Variants in CCDC12 observed in about 807,000 individuals in gnomAD.
CCDC12 encodes coiled-coil domain containing 12, also known as coiled-coil domain-containing protein 12.
Under a neutral mutation model 25.7 loss-of-function variants are expected in CCDC12, and 28 were observed. The ratio of observed to expected loss-of-function variants is 1.09; its 90% CI spans 0.81 to 1.50. The LOEUF is 1.50. Among genes scored for constraint, CCDC12 ranks in the 40% most tolerant of loss-of-function variants. CCDC12 has a pLI of 0.00. For synonymous variants in CCDC12, 75 were observed against 87.7 expected (o/e 0.86, Z 0.81); for missense variants, 198 against 210.0 (o/e 0.94, Z 0.35).
intron 2 of CCDC12, among the ~76,000 whole-genome samples, chr3:46,930,837 C>T (rs1397734707): frequency 6.6e-6 from 1 of 152,178 alleles, no homozygotes; most frequent in Non-Finnish European, 1.5e-5. Flanking sequence ...CTCCTGGGCC[C>T]CCTTTGCCCC....
At chr3:46,979,772 C>CCCCCATTCCCCAACTCCAGG, upstream of CCDC12, 1 of 354,648 alleles carries the variant, frequency 2.8e-6, no homozygotes, top group Admixed American at 4.8e-5. Context: ...TGACGCCCTC[C>CCCCCATTCCCCAACTCCAGG]GCCCATGGGC....
At chr3:46,954,163 G>A (rs2034216229) in intron 1 of CCDC12, among the ~76,000 whole-genome samples, 1 of 152,106 alleles carries the variant, frequency 6.6e-6, no homozygotes, top group African/African-American at 2.4e-5. Flanking sequence ...CCAGGGACTG[G>A]AACAACCACC....
intron 1 of CCDC12, among the ~76,000 whole-genome samples, chr3:46,970,689 T>A (rs4389512): frequency 0.95 from 143,949 of 152,274 alleles, 68,605 homozygotes; most frequent in East Asian, 1. Context: ...TTCAGGGCAA[T>A]CGCTCAGGAA....
chr3:46,957,205 T>G (rs1017167457), intron 1 of CCDC12, among the ~76,000 whole-genome samples: 1 of 151,926 alleles, frequency 6.6e-6, no homozygotes, highest in African/African-American at 2.4e-5. Context: ...GAGGTAGGGG[T>G]GGGGTGGCAC....
intron 2 of CCDC12, among the ~76,000 whole-genome samples, chr3:46,932,629 A>C (rs1250649465): frequency 1.3e-5 from 2 of 152,200 alleles, no homozygotes; most frequent in African/African-American, 4.8e-5. Context: ...AGCACATGAC[A>C]CAAGAAGTGA....
chr3:46,940,928 G>A, intron 2 of CCDC12, 70 bp downstream of exon 2: 2 of 1,439,314 alleles, frequency 1.4e-6, no homozygotes, highest in Non-Finnish European at 2.0e-6. Flanking sequence ...GAGTTGGGAG[G>A]ACCCAGAGAC....
Position 46,944,102 on chromosome 3 carries a change from C to T in CCDC12, c.97-3037G>A, listed in dbSNP as rs539015349. Among the ~76,000 whole-genome samples the T allele has an allele frequency of 1.2e-4, 18 of 152,272 alleles. No individual in the cohort carries two copies. The East Asian group carries it at 3.5e-3, about 29-fold the overall frequency. Reference sequence around the variant, plus strand: ...ACCCCTACCTGAGAGACTCAAAGAGCCTCAGACCTGGAGGGCTCGCAGGAT... The same window carrying T: ...ACCCCTACCTGAGAGACTCAAAGAGTCTCAGACCTGGAGGGCTCGCAGGAT... On this transcript the variant is annotated intron_variant, in intron 1 of 6. Transcript: ENST00000683445.
chr3:46,976,862 G>T (rs753453485), upstream of CCDC12: 2 of 1,453,274 alleles, frequency 1.4e-6, no homozygotes, highest in Non-Finnish European at 1.8e-6. Context: ...CAATCAATGC[G>T]GGGTTATTAT....
chr3:46,950,649 T>C (rs1241470760), intron 1 of CCDC12, among the ~76,000 whole-genome samples: 1 of 152,208 alleles, frequency 6.6e-6, no homozygotes, highest in Non-Finnish European at 1.5e-5. Flanking sequence ...TTCATGTGAA[T>C]GGAGCACATT....
At chr3:46,939,367 G>A (rs917113348) in intron 2 of CCDC12, among the ~76,000 whole-genome samples, 1 of 152,032 alleles carries the variant, frequency 6.6e-6, no homozygotes, top group African/African-American at 2.4e-5. Context: ...AGGGGGAGGG[G>A]TGGGGATCAG....
intron 1 of CCDC12, among the ~76,000 whole-genome samples, chr3:46,948,558 T>G (rs1322570243): frequency 6.6e-6 from 1 of 152,090 alleles, no homozygotes; most frequent in Non-Finnish European, 1.5e-5. Flanking sequence ...AGAGAAAGGG[T>G]GTGGCAGCCT....
rs1421354589 is a variant in CCDC12, at chr3:46,951,821, ATACT to A, written c.97-10760_97-10757del. On this transcript the variant is annotated intron_variant, in intron 1 of 6. Coordinates refer to ENST00000683445, the MANE Select transcript of CCDC12 (RefSeq NM_001277074.2). ...AAAATATATATATATATATATATAT[ATACT>A]TAATGAGGATCAAATTAACAATGAT... Among the ~76,000 whole-genome samples, 29 of 84,324 alleles carry A rather than the reference ATACT, an allele frequency of 3.4e-4. 1 individual carries two copies. The highest frequency in any genetic ancestry group is 1.7e-3 in the East Asian group (4 of 2,332). The allele number at this position is 84,324 out of a possible 152,430, so 55.3% of individuals were successfully genotyped here.
At chr3:46,928,349 G>A (rs1025096668) in intron 2 of CCDC12, among the ~76,000 whole-genome samples, 6 of 152,186 alleles carry the variant, frequency 3.9e-5, no homozygotes, top group Admixed American at 2.0e-4. Context: ...ACAACAAAGT[G>A]AGCCTGACAT....
chr3:46,970,697 G>A (rs1307353103), intron 1 of CCDC12, among the ~76,000 whole-genome samples: 2 of 152,204 alleles, frequency 1.3e-5, no homozygotes, highest in East Asian at 3.8e-4. Flanking sequence ...AATCGCTCAG[G>A]AAAGCTTGGC....
At chr3:46,934,081 G>A (rs149526298) in intron 2 of CCDC12, among the ~76,000 whole-genome samples, 8 of 152,220 alleles carry the variant, frequency 5.3e-5, no homozygotes, top group East Asian at 1.9e-4. Flanking sequence ...CACAGCACCC[G>A]GTTGTAAATA....
intron 2 of CCDC12, among the ~76,000 whole-genome samples, chr3:46,928,698 G>T (rs1314185266): frequency 6.6e-6 from 1 of 152,196 alleles, no homozygotes; most frequent in Non-Finnish European, 1.5e-5. Flanking sequence ...TCAAGAGAAA[G>T]ACTTTTTCAG....
intron 1 of CCDC12, 85 bp downstream of exon 1, chr3:46,976,552 T>G: frequency 6.6e-7 from 1 of 1,510,094 alleles, no homozygotes; most frequent in Non-Finnish European, 8.9e-7. Flanking sequence ...CTGTCTTTCC[T>G]TATTAGCCCT....
intron 1 of CCDC12, chr3:46,981,914 C>A (rs1007864043): frequency 1.3e-5 from 2 of 152,306 alleles, no homozygotes; most frequent in Non-Finnish European, 2.9e-5. Context: ...TGAGCCTCCC[C>A]CTCCCGGAGC....
chr3:46,974,194 GGGAAT>G (rs1271057163), intron 1 of CCDC12, among the ~76,000 whole-genome samples: 1 of 152,194 alleles, frequency 6.6e-6, no homozygotes, highest in Non-Finnish European at 1.5e-5. Flanking sequence ...TGGGGAAAGG[GGGAAT>G]GGAGAGTTAT....
Sources: allele counts gnomAD v4.1 joint callset (sites outside exome capture counted in the v4.1 genomes callset), GRCh38; gene constraint gnomAD v4.1.1; transcripts MANE v1.5; gene names NCBI Gene and HGNC (gene_info 2026-07-23, HGNC 2026-07-21).